DYM: variants seen among roughly 807,000 people sequenced by gnomAD.
DYM encodes the protein dymeclin, also known as dyggve-Melchior-Clausen syndrome protein.
In DYM, 78 loss-of-function variants were observed where a neutral mutation model predicts 93.1. That is an observed-to-expected ratio of 0.84 (90% CI 0.70 to 1.01). The LOEUF (loss-of-function observed/expected upper bound fraction) is 1.01. DYM is among the 50% of genes least tolerant of loss of function. The pLI is 0.00. For synonymous variants in DYM, 321 were observed against 319.7 expected, an observed-to-expected ratio of 1.00 and a Z score of -0.04; for missense variants, 789 against 845.0, an observed-to-expected ratio of 0.93 and a Z score of 0.82.
At chr18:49,361,938 C>A (rs1471866789) in intron 6 of DYM, among the ~76,000 whole-genome samples, 3 of 152,020 alleles carry the variant, frequency 2.0e-5, no homozygotes, top group Admixed American at 2.0e-4. Context: ...GTTGGCCAGG[C>A]TGGTCGTGAA....
intron 13 of DYM, among the ~76,000 whole-genome samples, chr18:49,236,221 CT>C (rs2093856616): frequency 6.6e-6 from 1 of 152,126 alleles, no homozygotes; most frequent in Non-Finnish European, 1.5e-5. Context: ...TGGCTCACAC[CT>C]GTAATCCCAG....
At chr18:49,215,876 C>A (rs552794724) in intron 13 of DYM, among the ~76,000 whole-genome samples, 1 of 152,322 alleles carries the variant, frequency 6.6e-6, no homozygotes, top group South Asian at 2.1e-4. Flanking sequence ...GTTCATCTCA[C>A]TAGGGAGTGC....
chr18:49,398,754 T>C (rs557391891), intron 2 of DYM, among the ~76,000 whole-genome samples: 1 of 152,284 alleles, frequency 6.6e-6, no homozygotes, highest in South Asian at 2.1e-4. Flanking sequence ...TGATTTTTGT[T>C]GACAACCAGA....
chr18:49,109,729 G>A (rs1389327599), intron 16 of DYM, among the ~76,000 whole-genome samples: 1 of 152,244 alleles, frequency 6.6e-6, no homozygotes, highest in South Asian at 2.1e-4. Context: ...TTAAAGGACA[G>A]AACCCTGAGC....
chr18:49,194,289 A>G (rs2091240291), intron 14 of DYM, among the ~76,000 whole-genome samples: 1 of 152,298 alleles, frequency 6.6e-6, no homozygotes, highest in African/African-American at 2.4e-5. Context: ...AGAAATTTTA[A>G]TTTGTTATTT....
chr18:49,303,110 T>A (rs548789061), intron 8 of DYM, among the ~76,000 whole-genome samples: 1 of 152,368 alleles, frequency 6.6e-6, no homozygotes, highest in African/African-American at 2.4e-5. Context: ...TCCAAAAAGA[T>A]GCAATTCTGT....
chr18:49,228,879 A>C (rs1472316129), intron 13 of DYM, among the ~76,000 whole-genome samples: 2 of 152,122 alleles, frequency 1.3e-5, no homozygotes, highest in Non-Finnish European at 2.9e-5. Flanking sequence ...GGTCCAAAGA[A>C]GACCTAAATT....
At chr18:49,313,331 C>T (rs749571831) in intron 8 of DYM, among the ~76,000 whole-genome samples, 11 of 151,378 alleles carry the variant, frequency 7.3e-5, no homozygotes, top group Admixed American at 1.3e-4. Flanking sequence ...GGCGTGGTGG[C>T]GCACACCTGT....
intron 6 of DYM, among the ~76,000 whole-genome samples, chr18:49,355,374 AGAT>A (rs936088903): frequency 4.7e-5 from 7 of 148,408 alleles, no homozygotes; most frequent in African/African-American, 1.3e-4. Context: ...ATTGATAGAT[AGAT>A]GATACATAGA....
intron 13 of DYM, among the ~76,000 whole-genome samples, chr18:49,239,051 T>C (rs993796970): frequency 6.6e-6 from 1 of 152,104 alleles, no homozygotes; most frequent in African/African-American, 2.4e-5. Flanking sequence ...TTGGTCAATA[T>C]CAACAACTCA....
At chr18:49,065,251 C>G (rs1341467800) in intron 17 of DYM, among the ~76,000 whole-genome samples, 1 of 152,152 alleles carries the variant, frequency 6.6e-6, no homozygotes, top group African/African-American at 2.4e-5. Context: ...TTTCCCATTC[C>G]TATTTGCTTT....
At chr18:49,317,596 T>TCC (rs144920853) in intron 8 of DYM, among the ~76,000 whole-genome samples, 4 of 31,146 alleles carry the variant, frequency 1.3e-4, no homozygotes, top group Non-Finnish European at 1.6e-4. Context: ...TCTCTCTCTC[T>TCC]CCCCCCTCCC....
At chr18:49,269,084 A>G (rs1313893353) in intron 11 of DYM, among the ~76,000 whole-genome samples, 2 of 152,226 alleles carry the variant, frequency 1.3e-5, no homozygotes, top group Non-Finnish European at 1.5e-5. Flanking sequence ...TAAAATATAT[A>G]AAGAACTCAC....
At chr18:49,073,158 C>T (rs535439613) in intron 17 of DYM, among the ~76,000 whole-genome samples, 5 of 152,300 alleles carry the variant, frequency 3.3e-5, no homozygotes, top group African/African-American at 1.2e-4. Context: ...GAAACAAGTT[C>T]ATCTGAAATG....
At chr18:49,187,764 G>A (rs1288909238) in intron 14 of DYM, among the ~76,000 whole-genome samples, 1 of 152,054 alleles carries the variant, frequency 6.6e-6, no homozygotes, top group Non-Finnish European at 1.5e-5. Context: ...TTATGTAAGA[G>A]GGAAAAATTC....
At chr18:49,064,043 A>T (rs1340318988) in intron 17 of DYM, among the ~76,000 whole-genome samples, 1 of 152,216 alleles carries the variant, frequency 6.6e-6, no homozygotes, top group African/African-American at 2.4e-5. Flanking sequence ...CAATGAAAAT[A>T]ACTTTACTTT....
At chr18:49,191,285 C>CA (rs2090946560) in intron 14 of DYM, among the ~76,000 whole-genome samples, 1 of 152,132 alleles carries the variant, frequency 6.6e-6, no homozygotes, top group South Asian at 2.1e-4. Flanking sequence ...AAATTATACT[C>CA]AGTTGGTAAT....
chr18:49,394,436 T>A (rs1379183117), intron 2 of DYM, among the ~76,000 whole-genome samples: 1 of 152,204 alleles, frequency 6.6e-6, no homozygotes, highest in Non-Finnish European at 1.5e-5. Flanking sequence ...ACTATTGCTT[T>A]GTAGTATATT....
intron 2 of DYM, among the ~76,000 whole-genome samples, chr18:49,413,518 T>C (rs947672855): frequency 3.9e-5 from 6 of 152,164 alleles, no homozygotes; most frequent in Non-Finnish European, 5.9e-5. Flanking sequence ...TTTTTTATCA[T>C]GTAAGAAAAA....
Sources: allele counts gnomAD v4.1 joint callset (sites outside exome capture counted in the v4.1 genomes callset), GRCh38; gene constraint gnomAD v4.1.1; transcripts MANE v1.5; gene names NCBI Gene and HGNC (gene_info 2026-07-23, HGNC 2026-07-21).